PIGB: variants seen among roughly 807,000 people sequenced by gnomAD.
PIGB encodes the protein phosphatidylinositol glycan anchor biosynthesis class B.
In PIGB, 58 loss-of-function variants were observed where a neutral mutation model predicts 68.4. The observed-to-expected ratio is 0.85, with a 90% confidence interval of 0.69 to 1.06. The LOEUF (loss-of-function observed/expected upper bound fraction) is 1.06, where lower values mean the gene tolerates loss of function less well. Ranked by LOEUF, PIGB falls within the 50% of genes least tolerant of loss-of-function variation. The pLI is 0.00. For synonymous variants in PIGB, 219 were observed against 220.5 expected (o/e 0.99, Z 0.06); for missense variants, 634 against 655.8 (o/e 0.97, Z 0.36).
At position 55,324,304 on chromosome 15, in the gene PIGB, C is replaced by G. The variant is rs146852395; in HGVS notation, c.417+2914C>G. Among the ~76,000 whole-genome samples, 194 of 152,236 alleles carry G rather than the reference C, an allele frequency of 1.3e-3. 2 individuals carry two copies. The highest frequency in any genetic ancestry group is 4.5e-3 in the African/African-American group (186 of 41,552). Reference sequence around the variant, plus strand: ...CAACATAGGCCTAGTGCTCAAGTTACGCCTGGCATGTTCTTCTCTTTACCT... The same window carrying G: ...CAACATAGGCCTAGTGCTCAAGTTAGGCCTGGCATGTTCTTCTCTTTACCT... On this transcript the variant is annotated intron_variant, in intron 3 of 11. Coordinates refer to ENST00000164305, the MANE Select transcript of PIGB (RefSeq NM_004855.5).
At chr15:55,350,366 A>G in intron 9 of PIGB, 2 of 269,718 alleles carry the variant, frequency 7.4e-6, no homozygotes, top group Non-Finnish European at 1.4e-5. Flanking sequence ...CAGTCACTGG[A>G]CATTTTTTCT....
In PIGB at chr15:55,330,789, G is replaced by C. The variant is rs1396133945; in HGVS notation, c.653+935G>C. ...AATTTGGGATCTAGTTAAAATTCTA[G>C]TATCCATTCTTCCTACACAAAAGGT... On this transcript the variant is annotated intron_variant, in intron 5 of 11. Transcript: ENST00000164305. Among the ~76,000 whole-genome samples, 4 of 152,304 alleles carry C rather than the reference G, an allele frequency of 2.6e-5. No homozygotes were observed. The East Asian group carries it at 7.7e-4, about 29-fold the overall frequency.
intron 9 of PIGB, among the ~76,000 whole-genome samples, chr15:55,348,179 T>G (rs2055843826): frequency 6.6e-6 from 1 of 151,806 alleles, no homozygotes; most frequent in African/African-American, 2.4e-5. Context: ...TAGAGATGGG[T>G]TTTCACGATG....
intron 3 of PIGB, among the ~76,000 whole-genome samples, chr15:55,322,875 T>A (rs1272441439): frequency 6.6e-6 from 1 of 152,192 alleles, no homozygotes; most frequent in Non-Finnish European, 1.5e-5. Context: ...ATCCATAAAG[T>A]CTGGAATCAC....
Position 55,320,416 on chromosome 15 carries a change from C to G in PIGB, c.299+6C>G. 1 of 1,611,702 alleles carries G rather than the reference C, an allele frequency of 6.2e-7. No homozygotes were observed. The highest frequency in any genetic ancestry group is 8.5e-7 in the Non-Finnish European group (1 of 1,179,188). Reference sequence around the variant, plus strand: ...TCACATCACATGGTTTTCAAATATCCTTTGTGGTTTCTTTTCCAGACTATG... The same window carrying G: ...TCACATCACATGGTTTTCAAATATCGTTTGTGGTTTCTTTTCCAGACTATG... On this transcript the variant is annotated splice_donor_region_variant and intron_variant, in intron 2 of 11. Transcript: ENST00000164305.
In PIGB at chr15:55,327,621, G is replaced by T. The variant is rs2055322661; in HGVS notation, c.508G>T (p.Val170Leu). The T allele has an allele frequency of 1.2e-6, 2 of 1,603,068 alleles. No individual in the cohort carries two copies. The highest frequency in any genetic ancestry group is 3.4e-5 in the Admixed American group (2 of 59,474). Residue 170 changes from valine to leucine, a missense_variant, in exon 4 of 12, where the codon GTG becomes TTG. Transcript: ENST00000164305. ...AATGAAGCAACTAGAAAATCAGGAAGTGGCAAGATGGGTGGTAAGTCCTAA... is the reference window on the plus strand; with the variant it reads ...AATGAAGCAACTAGAAAATCAGGAATTGGCAAGATGGGTGGTAAGTCCTAA... ...SLMKQLENQE[V>L]ARWVFFCQLC... is the part of the protein sequence containing the mutation.
chr15:55,327,266 T>C (rs2055314239), intron 3 of PIGB, among the ~76,000 whole-genome samples: 1 of 148,798 alleles, frequency 6.7e-6, no homozygotes, highest in South Asian at 2.1e-4. Context: ...AACATATGTG[T>C]ATATATGTCA....
intron 1 of PIGB, 69 bp downstream of exon 1, chr15:55,319,482 C>A: frequency 1.6e-6 from 2 of 1,217,614 alleles, no homozygotes; most frequent in Non-Finnish European, 1.1e-6. Flanking sequence ...ATTTCATTAC[C>A]AGCCAGTTGC....
intron 5 of PIGB, 110 bp downstream of exon 5, chr15:55,329,964 G>A: frequency 4.4e-6 from 3 of 677,256 alleles, no homozygotes. Context: ...TGAGTCATGA[G>A]AACCACAAAT....
chr15:55,333,307 C>G (rs886101553), intron 5 of PIGB, among the ~76,000 whole-genome samples: 1 of 152,104 alleles, frequency 6.6e-6, no homozygotes, highest in Non-Finnish European at 1.5e-5. Flanking sequence ...GTTAATATAG[C>G]TATTTAGGCC....
In PIGB at chr15:55,340,317, G is replaced by A. The variant is rs569485424; in HGVS notation, c.847-295G>A. 2.1e-3 allele frequency: 358 copies of A among 171,868 alleles called. 1 individual carries two copies. Among genetic ancestry groups the A allele is most frequent in the African/African-American group, 8.0e-3 (332 of 41,746 alleles). The allele number at this position is 171,868 out of a possible 1,614,324, so 10.6% of individuals were successfully genotyped here. A position where few individuals can be genotyped will look rare whatever the true frequency, so the allele number is the denominator to read the frequency against. ...TAAAAATAGAAAAAATTAGCCGGGC[G>A]TGGTAGCGGGCGCCTGTAGTCCCAG... On this transcript the variant is annotated intron_variant, in intron 7 of 11. Transcript: ENST00000164305.
chr15:55,327,355 G>A (rs2055316939), intron 3 of PIGB, among the ~76,000 whole-genome samples, 176 bp from the exon 4 acceptor site: 1 of 151,652 alleles, frequency 6.6e-6, no homozygotes, highest in Admixed American at 6.6e-5. Context: ...TATAATTTTT[G>A]TAGAAAAGGG....
At chr15:55,331,361 C>T (rs1391202523) in intron 5 of PIGB, among the ~76,000 whole-genome samples, 2 of 152,094 alleles carry the variant, frequency 1.3e-5, no homozygotes, top group African/African-American at 4.8e-5. Context: ...CTTGTATAAG[C>T]ATGACAGATA....
At chr15:55,332,100 G>A (rs964209475) in intron 5 of PIGB, among the ~76,000 whole-genome samples, 3 of 151,322 alleles carry the variant, frequency 2.0e-5, no homozygotes, top group Non-Finnish European at 4.4e-5. Context: ...TCAGCCTCCC[G>A]AGTAGCTGGG....
At chr15:55,341,713 TTAA>T (rs1199470950) in intron 8 of PIGB, 22 bp from the exon 9 acceptor site, 12 of 1,017,550 alleles carry the variant, frequency 1.2e-5, no homozygotes, top group African/African-American at 1.6e-5. Context: ...TTAATATTTT[TTAA>T]TAATATTTGT....
chr15:55,338,460 T>C lies in PIGB; in HGVS notation c.795-807T>C, dbSNP rs548037133. 4.6e-5 allele frequency among the ~76,000 whole-genome samples: 7 copies of C among 152,072 alleles called. No individual in the cohort carries two copies. The East Asian group carries it at 1.4e-3, about 29-fold the overall frequency. On this transcript the variant is annotated intron_variant, in intron 6 of 11. Coordinates refer to ENST00000164305, the MANE Select transcript of PIGB (RefSeq NM_004855.5). The stretch of plus-strand genomic sequence containing the variant: ...CCGGAGTTTGAGACCAGTTGGGTAA[T>C]ATAGTGAGACCCCATCTCTACAGAA...
At chr15:55,338,426 G>A (rs767169369) in intron 6 of PIGB, among the ~76,000 whole-genome samples, 2 of 152,120 alleles carry the variant, frequency 1.3e-5, no homozygotes, top group Non-Finnish European at 2.9e-5. Flanking sequence ...GGGAAGTACT[G>A]CTTGAGGCCC....
In PIGB at chr15:55,322,031, G is replaced by A. The variant is rs1040688141; in HGVS notation, c.417+641G>A. Among the ~76,000 whole-genome samples the A allele has an allele frequency of 3.3e-5, 5 of 151,686 alleles. No individual in the cohort carries two copies. The East Asian group carries it at 6.0e-4, about 18-fold the overall frequency. On this transcript the variant is annotated intron_variant, in intron 3 of 11. Coordinates refer to ENST00000164305, the MANE Select transcript of PIGB (RefSeq NM_004855.5). ...CTCTACTAAAAATACAAAATTAGCC[G>A]GGTGTGGTCGCGCATGCCTGTAATC...
intron 9 of PIGB, 36 bp from the exon 10 acceptor site, chr15:55,350,663 T>C: frequency 7.7e-7 from 1 of 1,298,308 alleles, no homozygotes; most frequent in Non-Finnish European, 1.1e-6. Flanking sequence ...CAAAAGATTG[T>C]CAGTGTTAAG....
Sources: gnomAD v4.1 joint callset for allele counts (sites outside exome capture counted in the v4.1 genomes callset) on GRCh38, gnomAD v4.1.1 for gene constraint, MANE v1.5 for transcripts, NCBI Gene and HGNC (gene_info 2026-07-23, HGNC 2026-07-21) for gene names.